TMEM201: variants seen among roughly 807,000 people sequenced by gnomAD.
TMEM201 encodes the protein RP13-15M17.2.
In TMEM201, 26 loss-of-function variants were observed where a neutral mutation model predicts 63.4. The observed-to-expected ratio is 0.41, with a 90% confidence interval of 0.30 to 0.57. TMEM201 has a LOEUF of 0.57. Ranked by LOEUF, TMEM201 falls within the 20% of genes least tolerant of loss-of-function variation. The probability of loss-of-function intolerance (pLI) is 0.29; values close to 1 mark genes in which losing one functional copy is unlikely to be tolerated. For missense variants in TMEM201, 794 were observed against 917.7 expected, an observed-to-expected ratio of 0.87 and a Z score of 1.74; for synonymous variants, 417 against 421.6, an observed-to-expected ratio of 0.99 and a Z score of 0.14.
At position 9,613,347 on chromosome 1, in the gene TMEM201, A is replaced by G; in HGVS notation, c.*264A>G. 1.9e-6 allele frequency: 1 copy of G among 535,020 alleles called. No individual in the cohort carries two copies. The highest frequency in any genetic ancestry group is 3.4e-6 in the Non-Finnish European group (1 of 297,230). The allele number at this position is 535,020 out of a possible 1,614,324, so 33.1% of individuals were successfully genotyped here. A position where few individuals can be genotyped will look rare whatever the true frequency, so the allele number is the denominator to read the frequency against. ...GTTTGGTGCTGACACTCTGATCCCG[A>G]AGCCAGGGAGCCCCAAGGGGCTGCA... On this transcript the variant is annotated 3_prime_UTR_variant, in exon 11 of 11. Transcript: ENST00000340381.
chr1:9,608,289 A>C lies in TMEM201; in HGVS notation c.1393+500A>C, dbSNP rs1644275589. ...AATTGCCATATCATCTGGGAGCCCC[A>C]GCACGGCCCCTTAGTCCCAGCTCTG... On this transcript the variant is annotated intron_variant, in intron 7 of 10. Coordinates refer to ENST00000340381, the MANE Select transcript of TMEM201 (RefSeq NM_001130924.3). The surrounding 1 kb of genome is among the most constrained non-coding windows in gnomAD (Gnocchi z 4.3). Among the ~76,000 whole-genome samples, 1 of 152,192 alleles carries C rather than the reference A, an allele frequency of 6.6e-6. No homozygotes were observed. The highest frequency in any genetic ancestry group is 1.5e-5 in the Non-Finnish European group (1 of 68,034).
At chr1:9,612,078 C>CT (rs1644332467) in intron 10 of TMEM201, among the ~76,000 whole-genome samples, 188 bp downstream of exon 10, 2 of 152,236 alleles carry the variant, frequency 1.3e-5, no homozygotes, top group Admixed American at 6.5e-5. Context: ...CACTCCCCCT[C>CT]TCGGGATTTG....
rs1042930860 is a variant in TMEM201, at chr1:9,611,610, A to G, written c.1766-143A>G. 7 of 1,039,750 alleles carry G rather than the reference A, an allele frequency of 6.7e-6. No individual in the cohort carries two copies. The Admixed American group carries it at 1.4e-4, about 21-fold the overall frequency. 64.4% of individuals were successfully genotyped at this position (1,039,750 alleles called of 1,614,324 possible). ...CAGTTGAGCAAGGACCTGGCCCCCC[A>G]CTGTCCAGGGTGGATGAGTGGCTTG... On this transcript the variant is annotated intron_variant, in intron 9 of 10. Coordinates refer to ENST00000340381, the MANE Select transcript of TMEM201 (RefSeq NM_001130924.3).
chr1:9,605,597 C>T lies in TMEM201; in HGVS notation c.1161-1960C>T, dbSNP rs942472430. ...CATGCCCAGCCCTGTGAGCGATTTA[C>T]GAGGTCTTGCTGGTTGAGTGATGTT... On this transcript the variant is annotated intron_variant, in intron 6 of 10. Coordinates refer to ENST00000340381, the MANE Select transcript of TMEM201 (RefSeq NM_001130924.3). This position sits in a 1 kb window ranked among gnomAD's most constrained non-coding sequence, Gnocchi z 5.7. Among the ~76,000 whole-genome samples, 5 of 151,956 alleles carry T rather than the reference C, an allele frequency of 3.3e-5. No homozygotes were observed. Among genetic ancestry groups the T allele is most frequent in the African/African-American group, 9.7e-5 (4 of 41,428 alleles).
chr1:9,607,722 C>G lies in TMEM201; in HGVS notation c.1326C>G (p.Pro442=). ...QLFRSPRRTS[P]SSLPGRLSRA... The stretch of plus-strand genomic sequence containing the variant: ...TCCGGTCTCCTCGACGGACCTCACC[C>G]TCCTCATTGCCTGGCCGCCTCAGCC... The change falls in exon 7 of 11, where the codon CCC becomes CCG. Residue 442 remains proline, a synonymous_variant. Transcript: ENST00000340381. The surrounding 1 kb of genome is among the most constrained non-coding windows in gnomAD (Gnocchi z 5.4). 6.4e-7 allele frequency: 1 copy of G among 1,551,796 alleles called. No homozygotes were observed. The highest frequency in any genetic ancestry group is 8.7e-7 in the Non-Finnish European group (1 of 1,147,082).
chr1:9,601,613 G>A (rs1170790312), intron 5 of TMEM201, among the ~76,000 whole-genome samples, 159 bp downstream of exon 5: 1 of 152,216 alleles, frequency 6.6e-6, no homozygotes, highest in Non-Finnish European at 1.5e-5. Flanking sequence ...GGGAGTCGTA[G>A]GTGAGGTGAG....
At chr1:9,611,638 A>G in intron 9 of TMEM201, 115 bp from the exon 10 acceptor site, 1 of 1,395,842 alleles carries the variant, frequency 7.2e-7, no homozygotes, top group Non-Finnish European at 9.8e-7. Context: ...GTGGCTTGGG[A>G]CAGCCTGGCT....
chr1:9,602,472 G>A, intron 6 of TMEM201, 200 bp downstream of exon 6: 5 of 1,433,566 alleles, frequency 3.5e-6, no homozygotes, highest in South Asian at 1.5e-5. Flanking sequence ...TTCCTTTCGG[G>A]CACCACCAGC....
At chr1:9,602,393 C>A in intron 6 of TMEM201, 121 bp downstream of exon 6, 2 of 1,483,374 alleles carry the variant, frequency 1.3e-6, no homozygotes, top group Non-Finnish European at 1.8e-6. Context: ...GCCCTCCCAC[C>A]CCCACCCTAC....
intron 2 of TMEM201, 67 bp downstream of exon 2, chr1:9,596,077 G>A (rs1644014491): frequency 1.3e-6 from 2 of 1,576,534 alleles, no homozygotes; most frequent in African/African-American, 1.3e-5. Flanking sequence ...TGCACCTTGA[G>A]ACCACCCTGT....
At chr1:9,602,804 G>A in intron 6 of TMEM201, 2 of 989,802 alleles carry the variant, frequency 2.0e-6, no homozygotes, top group Non-Finnish European at 2.4e-6. Context: ...TCACCCCTGA[G>A]GAGCACCTGT....
In TMEM201 at chr1:9,601,212, A is replaced by G; in HGVS notation, c.714A>G (p.Gly238=). ...CCACCGCGCTGTATGGGGCCAGCGG[A>G]CACTTCGCCCCAGGCACCACTGTGC... ...LLTTALYGAS[G]HFAPGTTVPL... The change falls in exon 5 of 11, where the codon GGA becomes GGG. Residue 238 remains glycine, a synonymous_variant. Coordinates refer to ENST00000340381, the MANE Select transcript of TMEM201 (RefSeq NM_001130924.3). 6.2e-7 allele frequency: 1 copy of G among 1,612,324 alleles called. No individual in the cohort carries two copies. The highest frequency in any genetic ancestry group is 8.5e-7 in the Non-Finnish European group (1 of 1,179,836).
At chr1:9,602,635 C>T (rs749804566) in intron 6 of TMEM201, 26 of 1,179,138 alleles carry the variant, frequency 2.2e-5, no homozygotes, top group South Asian at 9.9e-5. Context: ...CCTCTCACCA[C>T]GCCGTTTGCT....
chr1:9,609,957 C>T, intron 8 of TMEM201, 46 bp downstream of exon 8: 1 of 1,531,820 alleles, frequency 6.5e-7, no homozygotes, highest in Non-Finnish European at 8.9e-7. Context: ...AACATGAAGC[C>T]CGGGCGTTCC....
intron 7 of TMEM201, among the ~76,000 whole-genome samples, chr1:9,609,635 C>T (rs1644293353): frequency 1.3e-5 from 2 of 152,170 alleles, no homozygotes; most frequent in Admixed American, 6.5e-5. Context: ...GCGCCCAGCC[C>T]AAGCCTCAGT....
At chr1:9,589,090 G>C in intron 1 of TMEM201, 47 bp downstream of exon 1, 1 of 865,440 alleles carries the variant, frequency 1.2e-6, no homozygotes, top group Non-Finnish European at 1.4e-6. Flanking sequence ...CCGCCCGCCA[G>C]GCCCGCCCCC....
Position 9,607,768 on chromosome 1 carries a change from A to G in TMEM201, c.1372A>G (p.Ile458Val), listed in dbSNP as rs1448158873. ...RLSRALSLGTIPSLTRADSGY... is the reference protein window; with the variant it reads ...RLSRALSLGTVPSLTRADSGY... ...CAGCCGGGCCCTCTCTCTGGGAACC[A>G]TACCCTCTCTGACTCGAGCAGGTAA... Residue 458 changes from isoleucine (I) to valine (V), a missense_variant, in exon 7 of 11, where the codon ATA (isoleucine) becomes GTA (valine). Physicochemically the swap from Ile to Val is conservative, Grantham distance 29. Transcript: ENST00000340381. The surrounding 1 kb of genome is among the most constrained non-coding windows in gnomAD (Gnocchi z 5.4). 6.4e-7 allele frequency: 1 copy of G among 1,551,438 alleles called. No homozygotes were observed. Among genetic ancestry groups the G allele is most frequent in the Admixed American group, 2.0e-5 (1 of 50,974 alleles).
rs576154511 is a variant in TMEM201, at chr1:9,599,560, A to C, written c.606+935A>C. Reference sequence around the variant, plus strand: ...CTGAGCCACCGCACCCGGCCTCCAAATAACTGTTTCCATCATTTTGTGAAG... The same window carrying C: ...CTGAGCCACCGCACCCGGCCTCCAACTAACTGTTTCCATCATTTTGTGAAG... On this transcript the variant is annotated intron_variant, in intron 4 of 10. Transcript: ENST00000340381. 6.0e-5 allele frequency among the ~76,000 whole-genome samples: 9 copies of C among 150,964 alleles called. No homozygotes were observed. In the South Asian group the frequency reaches 1.9e-3, roughly 32 times the overall value.
At position 9,595,953 on chromosome 1, in the gene TMEM201, T is replaced by C. The variant is rs756402321; in HGVS notation, c.177T>C (p.Tyr59=). ...WFCNQDTLVP[Y]GNRNCWDCPH... is the part of the protein sequence containing the mutation. ...GCAACCAGGATACGCTGGTGCCCTA[T>C]GGGAACCGCAACTGCTGGGACTGTC... is the stretch of plus-strand genomic sequence containing the variant. Residue 59 remains tyrosine, a synonymous_variant, in exon 2 of 11, where the codon TAT becomes TAC. Transcript: ENST00000340381. 13 of 1,613,464 alleles carry C rather than the reference T, an allele frequency of 8.1e-6. No individual in the cohort carries two copies. In the African/African-American group the frequency reaches 1.3e-4, roughly 17 times the overall value.
Sources: allele counts gnomAD v4.1 joint callset (sites outside exome capture counted in the v4.1 genomes callset), GRCh38; gene constraint gnomAD v4.1.1; non-coding constraint Gnocchi (gnomAD v3.1); transcripts MANE v1.5; gene names NCBI Gene and HGNC (gene_info 2026-07-23, HGNC 2026-07-21).